CADM2: variants seen among roughly 807,000 people sequenced by gnomAD.
CADM2 encodes cell adhesion molecule 2.
In CADM2, 12 loss-of-function variants were observed where a neutral mutation model predicts 49.8. The ratio of observed to expected loss-of-function variants is 0.24; its 90% CI spans 0.15 to 0.39. The LOEUF (loss-of-function observed/expected upper bound fraction) is 0.39. Ranked by LOEUF, CADM2 falls within the 10% of genes least tolerant of loss-of-function variation. The probability of loss-of-function intolerance (pLI) is 1.00; values close to 1 mark genes in which losing one functional copy is unlikely to be tolerated. For synonymous variants in CADM2, 214 were observed against 175.4 expected, an observed-to-expected ratio of 1.22 and a Z score of -1.74; for missense variants, 378 against 492.3, an observed-to-expected ratio of 0.77 and a Z score of 2.20.
At chr3:85,448,310 G>A (rs2037569907) in intron 1 of CADM2, among the ~76,000 whole-genome samples, 1 of 138,818 alleles carries the variant, frequency 7.2e-6, no homozygotes, top group Admixed American at 7.6e-5. Flanking sequence ...TCCAGCCTGG[G>A]CGACAGAGCA....
chr3:85,937,586 T>C (rs1350933322), intron 7 of CADM2, among the ~76,000 whole-genome samples: 1 of 151,936 alleles, frequency 6.6e-6, no homozygotes, highest in Non-Finnish European at 1.5e-5. Context: ...AATTTCCACT[T>C]ATTCTAGCTA....
At chr3:85,746,375 C>T (rs1040845882) in intron 2 of CADM2, among the ~76,000 whole-genome samples, 2 of 152,058 alleles carry the variant, frequency 1.3e-5, no homozygotes, top group African/African-American at 4.8e-5. Flanking sequence ...TGTTTTTCTC[C>T]ACCTACTCAT....
At chr3:85,175,282 C>G (rs1240415205) in intron 1 of CADM2, among the ~76,000 whole-genome samples, 1 of 152,040 alleles carries the variant, frequency 6.6e-6, no homozygotes, top group Non-Finnish European at 1.5e-5. Context: ...ATGCACCCCC[C>G]GAAAAGTGAA....
At chr3:85,797,743 A>G (rs2071714920) in intron 2 of CADM2, among the ~76,000 whole-genome samples, 1 of 152,214 alleles carries the variant, frequency 6.6e-6, no homozygotes, top group African/African-American at 2.4e-5. Flanking sequence ...TCTTTATAGC[A>G]TAATGATTTA....
chr3:85,576,263 G>A (rs997561451), intron 1 of CADM2, among the ~76,000 whole-genome samples: 2 of 152,128 alleles, frequency 1.3e-5, no homozygotes, highest in Non-Finnish European at 2.9e-5. Flanking sequence ...AAAGAGGTAG[G>A]CAAGGCTGCC....
chr3:85,152,327 C>T (rs537939102), intron 1 of CADM2, among the ~76,000 whole-genome samples: 6 of 152,164 alleles, frequency 3.9e-5, no homozygotes, highest in African/African-American at 9.6e-5. Context: ...TAGGTGCCTT[C>T]GTTACAAGGA....
At chr3:85,500,552 C>T (rs1304644351) in intron 1 of CADM2, among the ~76,000 whole-genome samples, 1 of 149,954 alleles carries the variant, frequency 6.7e-6, no homozygotes, top group Non-Finnish European at 1.5e-5. Flanking sequence ...GAGTGTCGCT[C>T]TGTTGGCCAG....
rs529574349 is a variant in CADM2 at position 86,052,088 on chromosome 3, G to T, written c.971-13517G>T. Among the ~76,000 whole-genome samples, 23 of 152,158 alleles carry T rather than the reference G, an allele frequency of 1.5e-4. No individual in the cohort carries two copies. In the East Asian group the frequency reaches 4.1e-3, roughly 27 times the overall value. The stretch of plus-strand genomic sequence containing the variant: ...GGATTTATTTGAAGGTAGGAGAAAA[G>T]AATTAAATAAACACAATTTGTTATA... On this transcript the variant is annotated intron_variant, in intron 8 of 9. Transcript: ENST00000383699.
intron 1 of CADM2, among the ~76,000 whole-genome samples, chr3:85,701,275 A>C (rs1054773970): frequency 3.3e-5 from 5 of 152,144 alleles, no homozygotes; most frequent in Admixed American, 6.5e-5. Flanking sequence ...CCTGTGATCC[A>C]ATAACCTCCT....
chr3:86,033,201 C>A (rs1734749293), intron 8 of CADM2, among the ~76,000 whole-genome samples: 1 of 151,936 alleles, frequency 6.6e-6, no homozygotes, highest in African/African-American at 2.4e-5. Context: ...CCACCTCACT[C>A]ATCACAGTCA....
At chr3:85,405,503 A>G (rs1158091959) in intron 1 of CADM2, among the ~76,000 whole-genome samples, 1 of 152,158 alleles carries the variant, frequency 6.6e-6, no homozygotes, top group Non-Finnish European at 1.5e-5. Context: ...GCTCTCTGTG[A>G]TACTGCTCCT....
intron 1 of CADM2, among the ~76,000 whole-genome samples, chr3:85,687,115 T>G (rs2066240273): frequency 6.6e-6 from 1 of 152,204 alleles, no homozygotes; most frequent in Non-Finnish European, 1.5e-5. Flanking sequence ...AAATATCTAC[T>G]TAAAATGTTA....
chr3:84,998,670 T>A (rs1464830386), intron 1 of CADM2, among the ~76,000 whole-genome samples: 1 of 152,142 alleles, frequency 6.6e-6, no homozygotes, highest in Non-Finnish European at 1.5e-5. Flanking sequence ...ACTCTGGATT[T>A]CTCAGGCTTG....
intron 1 of CADM2, among the ~76,000 whole-genome samples, chr3:85,098,378 T>G (rs1257160701): frequency 6.6e-6 from 1 of 152,144 alleles, no homozygotes; most frequent in East Asian, 1.9e-4. Flanking sequence ...TAAGAAATCT[T>G]AACTTTCTAT....
intron 1 of CADM2, among the ~76,000 whole-genome samples, chr3:85,520,532 G>A (rs185585544): frequency 6.6e-5 from 10 of 152,010 alleles, no homozygotes; most frequent in African/African-American, 2.2e-4. Context: ...TTTGCATTGC[G>A]TCAATGCATT....
chr3:85,267,252 G>A (rs755473007), intron 1 of CADM2, among the ~76,000 whole-genome samples: 31 of 151,750 alleles, frequency 2.0e-4, no homozygotes, highest in Non-Finnish European at 3.7e-4. Context: ...CCTTTTGCAT[G>A]TAGGTAGCGT....
At chr3:85,820,390 A>G (rs1311264965) in intron 3 of CADM2, among the ~76,000 whole-genome samples, 2 of 152,170 alleles carry the variant, frequency 1.3e-5, no homozygotes, top group African/African-American at 2.4e-5. Context: ...GAGACCAATT[A>G]GAGAGCTATT....
intron 1 of CADM2, among the ~76,000 whole-genome samples, chr3:85,051,318 C>G (rs901023546): frequency 6.6e-6 from 1 of 152,190 alleles, no homozygotes; most frequent in Non-Finnish European, 1.5e-5. Flanking sequence ...GAACAGAGAT[C>G]TTCACCATAT....
Position 84,959,577 on chromosome 3 carries a change from G to T in CADM2, c.-31G>T. 1 of 1,535,018 alleles carries T rather than the reference G, an allele frequency of 6.5e-7. No individual in the cohort carries two copies. Among genetic ancestry groups the T allele is most frequent in the Non-Finnish European group, 8.7e-7 (1 of 1,145,120 alleles). ...CTCACCAGCATCTACTTGCCCCCTC[G>T]TTCCTTCCCCAGCCCTTTAGAGAAG... is the stretch of plus-strand genomic sequence containing the variant. On this transcript the variant is annotated 5_prime_UTR_variant, in exon 1 of 10. Coordinates refer to ENST00000383699, the MANE Select transcript of CADM2 (RefSeq NM_001167675.2).
Sources: gnomAD v4.1 joint callset for allele counts (sites outside exome capture counted in the v4.1 genomes callset) on GRCh38, gnomAD v4.1.1 for gene constraint, MANE v1.5 for transcripts, NCBI Gene and HGNC (gene_info 2026-07-23, HGNC 2026-07-21) for gene names.